MRE11: variants seen among roughly 807,000 people sequenced by gnomAD.
MRE11 encodes double-strand break repair protein MRE11.
MRE11 carries 62 observed loss-of-function variants against 91.7 expected under a neutral mutation model. The ratio of observed to expected loss-of-function variants is 0.68; its 90% CI spans 0.55 to 0.84. The LOEUF is 0.84. MRE11 is among the 40% of genes least tolerant of loss of function. The probability of loss-of-function intolerance (pLI) is 0.00; values close to 1 mark genes in which losing one functional copy is unlikely to be tolerated. For synonymous variants in MRE11, 273 were observed against 271.4 expected (o/e 1.01, Z -0.06); for missense variants, 796 against 852.9 (o/e 0.93, Z 0.83).
At chr11:94,476,474 C>T in intron 6 of MRE11, 71 bp from the exon 7 acceptor site, 1 of 989,352 alleles carries the variant, frequency 1.0e-6, no homozygotes, top group South Asian at 1.3e-5. Flanking sequence ...TATTTTGCTT[C>T]TAAATTATGT....
intron 13 of MRE11, among the ~76,000 whole-genome samples, chr11:94,457,704 G>A (rs1946289475): frequency 1.3e-5 from 2 of 152,124 alleles, no homozygotes; most frequent in Admixed American, 1.3e-4. Context: ...CAACCTTGAA[G>A]GAGGGCCTAT....
At chr11:94,465,145 A>T (rs1468705512) in intron 10 of MRE11, among the ~76,000 whole-genome samples, 1 of 152,182 alleles carries the variant, frequency 6.6e-6, no homozygotes, top group Non-Finnish European at 1.5e-5. Flanking sequence ...GAATTAATGA[A>T]TGTCTTTTAG....
At chr11:94,434,724 T>TA (rs1355404883) in intron 18 of MRE11, among the ~76,000 whole-genome samples, 1 of 152,148 alleles carries the variant, frequency 6.6e-6, no homozygotes, top group Non-Finnish European at 1.5e-5. Context: ...CACCAGCCCA[T>TA]AAGCACTCAC....
intron 13 of MRE11, among the ~76,000 whole-genome samples, chr11:94,457,753 G>A (rs1946290803): frequency 6.6e-6 from 1 of 152,052 alleles, no homozygotes; most frequent in African/African-American, 2.4e-5. Flanking sequence ...GATACTGAGG[G>A]ATAGGTGGGT....
intron 15 of MRE11, among the ~76,000 whole-genome samples, chr11:94,446,605 AG>A (rs1945938324): frequency 6.6e-6 from 1 of 152,234 alleles, no homozygotes; most frequent in Non-Finnish European, 1.5e-5. Context: ...AAATCTTTAG[AG>A]ATGAACTGAC....
At chr11:94,492,237 C>T (rs1415789651) in intron 2 of MRE11, among the ~76,000 whole-genome samples, 2 of 152,044 alleles carry the variant, frequency 1.3e-5, no homozygotes, top group South Asian at 2.1e-4. Context: ...TACAGGCATG[C>T]GCCACCACGC....
chr11:94,498,865 A>T (rs1160608044), upstream of MRE11: 3 of 268,692 alleles, frequency 1.1e-5, no homozygotes, highest in Non-Finnish European at 2.1e-5. Context: ...CACATCCTGG[A>T]TCTTTGTTGG....
chr11:94,449,904 C>T (rs1946052502), intron 14 of MRE11, among the ~76,000 whole-genome samples: 1 of 152,146 alleles, frequency 6.6e-6, no homozygotes, highest in East Asian at 1.9e-4. Context: ...ACTGGATATG[C>T]AGTCTGACAT....
intron 4 of MRE11, among the ~76,000 whole-genome samples, chr11:94,480,826 T>C (rs774670219): frequency 2.0e-5 from 3 of 152,146 alleles, no homozygotes; most frequent in Non-Finnish European, 2.9e-5. Flanking sequence ...GAAATGCCAA[T>C]GCCCATGACA....
At chr11:94,447,968 T>C (rs1362379319) in intron 14 of MRE11, among the ~76,000 whole-genome samples, 1 of 152,054 alleles carries the variant, frequency 6.6e-6, no homozygotes, top group African/African-American at 2.4e-5. Flanking sequence ...TTGAAAAGGT[T>C]TACCAAGAAA....
At position 94,417,598 on chromosome 11, in the gene MRE11, A is replaced by C. The variant is rs958407001; in HGVS notation, c.*2527T>G. On this transcript the variant is annotated 3_prime_UTR_variant, in exon 20 of 20. Transcript: ENST00000323929. ...AGCACCACCTTGTGGCAAAAGTAGGAGCTTTTAAATTACAGAAGTTAGGGC... is the reference window on the plus strand; with the variant it reads ...AGCACCACCTTGTGGCAAAAGTAGGCGCTTTTAAATTACAGAAGTTAGGGC... 50 of 232,984 alleles carry C rather than the reference A, an allele frequency of 2.1e-4. No individual in the cohort carries two copies. Among genetic ancestry groups the C allele is most frequent in the African/African-American group, 1.1e-3 (50 of 45,358 alleles). The allele number at this position is 232,984 out of a possible 1,614,324, so 14.4% of individuals were successfully genotyped here.
In MRE11 at chr11:94,460,933, T is replaced by C. The variant is rs863224735; in HGVS notation, c.1326+3A>G. 2 of 1,610,272 alleles carry C rather than the reference T, an allele frequency of 1.2e-6. No homozygotes were observed. The highest frequency in any genetic ancestry group is 1.7e-4 in the Middle Eastern group (1 of 6,014). Reference sequence around the variant, plus strand: ...ATTCAAAATGTGAACTGTAAGAAATTACCTTCTCTGCGGTTTGAAAGTACT... The same window carrying C: ...ATTCAAAATGTGAACTGTAAGAAATCACCTTCTCTGCGGTTTGAAAGTACT... On this transcript the variant is annotated splice_donor_region_variant and intron_variant, in intron 12 of 19. Transcript: ENST00000323929.
In MRE11 at chr11:94,485,981, T is replaced by A; in HGVS notation, c.257A>T (p.Asp86Val). ...LELLRKYCMG[D>V]RPVQFEILSD... ...GAGAATTTCAAACTGGACAGGCCGA[T>A]CACCCATACAATATTTTCTTAATAA... Residue 86 changes from aspartate to valine, a missense_variant, in exon 4 of 20, where the codon GAT (aspartate) becomes GTT (valine). Asp to Val is a radical substitution (Grantham distance 152). Coordinates refer to ENST00000323929, the MANE Select transcript of MRE11 (RefSeq NM_005591.4). 6.2e-7 allele frequency: 1 copy of A among 1,613,834 alleles called. No homozygotes were observed. The highest frequency in any genetic ancestry group is 1.1e-5 in the South Asian group (1 of 91,066).
rs775167394 is a variant in MRE11 at position 94,467,797 on chromosome 11, T to C, written c.1098+16A>G. 3.2e-6 allele frequency: 5 copies of C among 1,586,896 alleles called. No individual in the cohort carries two copies. The South Asian group carries it at 5.5e-5, about 18-fold the overall frequency. On this transcript the variant is annotated intron_variant, in intron 10 of 19. Transcript: ENST00000323929. The stretch of plus-strand genomic sequence containing the variant: ...TTGAAAATTAATAATATTCAATCTA[T>C]ATAAATAGGACTTACTCGCAGTCGT...
At chr11:94,490,374 T>C (rs1947254949) in intron 3 of MRE11, among the ~76,000 whole-genome samples, 1 of 152,206 alleles carries the variant, frequency 6.6e-6, no homozygotes, top group African/African-American at 2.4e-5. Context: ...CACAACCTTC[T>C]TCATTAAACT....
Position 94,417,939 on chromosome 11 carries a change from A to C in MRE11, c.*2186T>G, listed in dbSNP as rs13447756. ...TTTATGATAGGAAATAAAACACCAGAAAGACACTTATTCTTTGGTAAGTAA... is the reference window on the plus strand; with the variant it reads ...TTTATGATAGGAAATAAAACACCAGCAAGACACTTATTCTTTGGTAAGTAA... On this transcript the variant is annotated 3_prime_UTR_variant, in exon 20 of 20. Transcript: ENST00000323929. The C allele has an allele frequency of 3.0e-4, 71 of 233,082 alleles. No individual in the cohort carries two copies. Among genetic ancestry groups the C allele is most frequent in the African/African-American group, 1.4e-3 (63 of 45,456 alleles). The allele number at this position is 233,082 out of a possible 1,614,324, so 14.4% of individuals were successfully genotyped here.
chr11:94,436,834 A>T (rs1448682280), intron 17 of MRE11, among the ~76,000 whole-genome samples: 1 of 152,204 alleles, frequency 6.6e-6, no homozygotes, highest in Non-Finnish European at 1.5e-5. Flanking sequence ...ATAAGTAACA[A>T]AAGGAAATCC....
chr11:94,448,231 G>C (rs919837288), intron 14 of MRE11, among the ~76,000 whole-genome samples: 2 of 152,050 alleles, frequency 1.3e-5, no homozygotes, highest in African/African-American at 4.8e-5. Context: ...TAAAAAATTA[G>C]TTTTATAATC....
At chr11:94,491,099 T>A in intron 2 of MRE11, 134 bp from the exon 3 acceptor site, 1 of 636,018 alleles carries the variant, frequency 1.6e-6, no homozygotes, top group Non-Finnish European at 2.7e-6. Context: ...TTAGAGTTCA[T>A]CTGAAAATCT....
Sources: gnomAD v4.1 joint callset for allele counts (sites outside exome capture counted in the v4.1 genomes callset) on GRCh38, gnomAD v4.1.1 for gene constraint, MANE v1.5 for transcripts, NCBI Gene and HGNC (gene_info 2026-07-23, HGNC 2026-07-21) for gene names.